The following INTS13 variants were observed in gnomAD, a reference collection of about 807,000 sequenced individuals.
INTS13 encodes integrator complex subunit 13, also known as asunder, spermatogenesis regulator homolog (Drosphila).
INTS13 carries 35 observed loss-of-function variants against 90.2 expected under a neutral mutation model. That is an observed-to-expected ratio of 0.39 (90% confidence interval 0.30 to 0.51). The LOEUF (loss-of-function observed/expected upper bound fraction) is 0.51, where lower values mean the gene tolerates loss of function less well. Among genes scored for constraint, INTS13 ranks in the 20% least tolerant of loss-of-function variants. The probability of loss-of-function intolerance (pLI) is 0.80; values close to 1 mark genes in which losing one functional copy is unlikely to be tolerated. For synonymous variants in INTS13, 309 were observed against 277.1 expected (o/e 1.11, Z -1.14); for missense variants, 601 against 851.2 (o/e 0.71, Z 3.66).
chr12:26,906,367 A>G lies in INTS13; in HGVS notation c.2016T>C (p.Phe672=). 1 of 1,613,182 alleles carries G rather than the reference A, an allele frequency of 6.2e-7. No homozygotes were observed. The change falls in exon 16 of 17, where the codon TTT becomes TTC. Residue 672 remains phenylalanine (F), a synonymous_variant. Transcript: ENST00000261191. The part of the protein sequence containing the change: ...NTANSRKHQE[F]AGRLNSVNNR... ...TATTAACAGAGTTCAAACGTCCAGCAAATTCCTGATGTTTTCTGGAATTGG... is the reference window on the plus strand; with the variant it reads ...TATTAACAGAGTTCAAACGTCCAGCGAATTCCTGATGTTTTCTGGAATTGG...
chr12:26,911,178 C>T lies in INTS13; in HGVS notation c.1945G>A (p.Gly649Arg), dbSNP rs763183902. The change falls in exon 15 of 17, where the codon GGG becomes AGG. Residue 649 changes from glycine (G) to arginine (R), a missense_variant and splice_region_variant. Around this residue, in one of 3 missense-constraint regions of INTS13, gnomAD observed 228 missense variants for 272.5 expected, o/e 0.84. Coordinates refer to ENST00000261191, the MANE Select transcript of INTS13 (RefSeq NM_018164.3). ...DETPQVEKSK[G>R]PVSLLSLWSN... is the part of the protein sequence containing the mutation. ...CCTAGTTACCACAGCTGTACCTTAC[C>T]TTTTGATTTTTCCACTTGTGGAGTT... 2 of 1,612,328 alleles carry T rather than the reference C, an allele frequency of 1.2e-6. No individual in the cohort carries two copies. The highest frequency in any genetic ancestry group is 1.7e-6 in the Non-Finnish European group (2 of 1,179,600).
chr12:26,917,094 T>TA (rs1449636453), intron 10 of INTS13, among the ~76,000 whole-genome samples: 4 of 152,054 alleles, frequency 2.6e-5, no homozygotes, highest in Non-Finnish European at 5.9e-5. Context: ...TTTTATTAAA[T>TA]AAAACCTGCT....
In INTS13 at chr12:26,928,731, G is replaced by A. The variant is rs111690402; in HGVS notation, c.475C>T (p.Arg159Ter). The A allele has an allele frequency of 1.2e-6, 2 of 1,613,898 alleles. No individual in the cohort carries two copies. The highest frequency in any genetic ancestry group is 1.7e-6 in the Non-Finnish European group (2 of 1,179,982). Residue 159 changes from arginine to a stop codon, truncating the protein, a stop_gained, in exon 4 of 17, where the codon CGA becomes TGA. Coordinates refer to ENST00000261191, the MANE Select transcript of INTS13 (RefSeq NM_018164.3). LOFTEE classifies it high-confidence loss of function. Reference protein sequence around the residue: ...ENAERVGNRGRIICITNAKSD... With the variant: ...ENAERVGNRG ...TTTGCATTAGTAATACAGATTATTC[G>A]TCCTCTATTTCCAACACGTTCTGCA...
At chr12:26,919,773 T>C (rs1016389392) in intron 8 of INTS13, among the ~76,000 whole-genome samples, 1 of 140,244 alleles carries the variant, frequency 7.1e-6, no homozygotes, top group African/African-American at 2.5e-5. Context: ...GTTTTGGGCA[T>C]GTTGAAGTGT....
chr12:26,907,465 T>A (rs1951643421), intron 15 of INTS13, among the ~76,000 whole-genome samples: 1 of 152,214 alleles, frequency 6.6e-6, no homozygotes, highest in South Asian at 2.1e-4. Context: ...CAAAAATTGA[T>A]CATGACCTAA....
In INTS13 at chr12:26,908,582, CG is replaced by C. The variant is rs1183145568; in HGVS notation, c.1946-2146del. Among the ~76,000 whole-genome samples the C allele has an allele frequency of 2.7e-5, 4 of 150,552 alleles. No homozygotes were observed. The East Asian group carries it at 7.8e-4, about 29-fold the overall frequency. ...CATCATACAAAGAGAGTTGAATAGA[CG>C]TTTGCCAAATCTAGATGGCACATTT... is the stretch of plus-strand genomic sequence containing the variant. On this transcript the variant is annotated intron_variant, in intron 15 of 16. Transcript: ENST00000261191.
At chr12:26,924,286 C>T in intron 7 of INTS13, 69 bp downstream of exon 7, 4 of 1,544,572 alleles carry the variant, frequency 2.6e-6, no homozygotes, top group Non-Finnish European at 3.5e-6. Context: ...AGCTACCACG[C>T]CTGGCCTCAA....
Position 26,906,288 on chromosome 12 carries a change from T to A in INTS13, c.2081+14A>T, listed in dbSNP as rs370208549. On this transcript the variant is annotated intron_variant, in intron 16 of 16. Transcript: ENST00000261191. ...CAATTGACAAAACCAATTTTGACAATAAGTAACACAAACCCATTTTCCTCT... is the reference window on the plus strand; with the variant it reads ...CAATTGACAAAACCAATTTTGACAAAAAGTAACACAAACCCATTTTCCTCT... The A allele has an allele frequency of 5.0e-6, 8 of 1,587,824 alleles. No individual in the cohort carries two copies. In the African/African-American group the frequency reaches 9.5e-5, roughly 19 times the overall value.
chr12:26,914,209 G>C (rs139845082), intron 12 of INTS13, 81 bp from the exon 13 acceptor site: 3 of 1,332,452 alleles, frequency 2.3e-6, no homozygotes, highest in Non-Finnish European at 3.0e-6. Flanking sequence ...CTTGATTTTC[G>C]AAAGGATTTT....
rs746341791 is a variant in INTS13, at chr12:26,914,077, C to T, written c.1471G>A (p.Val491Met). 1 of 1,609,348 alleles carries T rather than the reference C, an allele frequency of 6.2e-7. No individual in the cohort carries two copies. Among genetic ancestry groups the T allele is most frequent in the East Asian group, 2.2e-5 (1 of 44,556 alleles). Residue 491 changes from valine (V) to methionine (M), a missense_variant, in exon 13 of 17, where the codon GTG (valine) becomes ATG (methionine). Transcript: ENST00000261191. ...TATATTGTTTTTTGACAGTTTAACA[C>T]ATCTTCTTCTGTCAGAGATTCTTTC... ...IVKESLTEED[V>M]LNCQKTIYNL...
At chr12:26,911,658 T>A (rs980496478) in intron 14 of INTS13, among the ~76,000 whole-genome samples, 19 of 152,150 alleles carry the variant, frequency 1.2e-4, no homozygotes, top group Non-Finnish European at 1.8e-4. Context: ...AGGAACAAAA[T>A]AACACTGAAT....
At chr12:26,908,518 T>A (rs993535903) in intron 15 of INTS13, among the ~76,000 whole-genome samples, 2 of 151,360 alleles carry the variant, frequency 1.3e-5, no homozygotes, top group Non-Finnish European at 2.9e-5. Flanking sequence ...CCAATCTATA[T>A]CAACAAATGG....
In INTS13 at chr12:26,913,968, A is replaced by AT. The variant is rs370630794; in HGVS notation, c.1574+5dup. ...TCTATAAAGTAAGAAAGAAAAAAAA[A>AT]TGTACCTTTTAGGGCCCTTTCCTCT... is the stretch of plus-strand genomic sequence containing the variant. On this transcript the variant is annotated splice_donor_region_variant and intron_variant, in intron 13 of 16. Coordinates refer to ENST00000261191, the MANE Select transcript of INTS13 (RefSeq NM_018164.3). 6.3e-7 allele frequency: 1 copy of AT among 1,595,146 alleles called. No individual in the cohort carries two copies. The highest frequency in any genetic ancestry group is 8.5e-7 in the Non-Finnish European group (1 of 1,175,662).
rs528527685 is a variant in INTS13 at position 26,933,988 on chromosome 12, T to C, written c.300+568A>G. Among the ~76,000 whole-genome samples, 24 of 152,112 alleles carry C rather than the reference T, an allele frequency of 1.6e-4. 1 individual carries two copies. Among genetic ancestry groups the C allele is most frequent in the Non-Finnish European group, 2.9e-5 (2 of 68,022 alleles). Reference sequence around the variant, plus strand: ...ATGTTATAATGCCAACATGAAACTTTGAAATAACCAACAATTCTGACATAT... The same window carrying C: ...ATGTTATAATGCCAACATGAAACTTCGAAATAACCAACAATTCTGACATAT... On this transcript the variant is annotated intron_variant, in intron 3 of 16. Transcript: ENST00000261191.
chr12:26,922,273 C>A (rs1046712733), intron 8 of INTS13, among the ~76,000 whole-genome samples: 1 of 152,162 alleles, frequency 6.6e-6, no homozygotes, highest in African/African-American at 2.4e-5. Flanking sequence ...CATCTCACAT[C>A]ATCCCAAAAA....
At chr12:26,924,121 A>G (rs1157200912) in intron 7 of INTS13, among the ~76,000 whole-genome samples, 1 of 152,210 alleles carries the variant, frequency 6.6e-6, no homozygotes, top group Non-Finnish European at 1.5e-5. Flanking sequence ...TAAAGGTTCA[A>G]TTAAAATAAA....
chr12:26,923,999 T>C (rs1937725646), intron 7 of INTS13, among the ~76,000 whole-genome samples: 1 of 152,130 alleles, frequency 6.6e-6, no homozygotes, highest in Non-Finnish European at 1.5e-5. Context: ...AAAACAAAAA[T>C]ATAGCATTTT....
chr12:26,918,990 C>A, intron 8 of INTS13: 3 of 351,680 alleles, frequency 8.5e-6, no homozygotes, highest in East Asian at 8.0e-5. Flanking sequence ...ATAGTGAGAC[C>A]CTGTCTCTAT....
intron 2 of INTS13, 44 bp downstream of exon 2, chr12:26,936,535 A>C: frequency 1.4e-6 from 2 of 1,414,190 alleles, no homozygotes; most frequent in Non-Finnish European, 2.0e-6. Context: ...TATGCAGTTA[A>C]GTACATCCCC....
Sources: allele counts gnomAD v4.1 joint callset (sites outside exome capture counted in the v4.1 genomes callset), GRCh38; gene constraint gnomAD v4.1.1; regional missense constraint gnomAD v4.1.1; transcripts MANE v1.5; gene names NCBI Gene and HGNC (gene_info 2026-07-23, HGNC 2026-07-21).